Variants in CABCOCO1 observed in about 807,000 individuals in gnomAD.
CABCOCO1 encodes the protein ciliary associated calcium binding coiled-coil 1, also known as ciliary-associated calcium-binding coiled-coil protein 1.
CABCOCO1 carries 28 observed loss-of-function variants against 35.7 expected under a neutral mutation model. That is an observed-to-expected ratio of 0.78 (90% CI 0.58 to 1.07). The LOEUF is 1.07. CABCOCO1 is among the 50% of genes least tolerant of loss of function. The probability of loss-of-function intolerance (pLI) is 0.00; values close to 1 mark genes in which losing one functional copy is unlikely to be tolerated. For synonymous variants in CABCOCO1, 95 were observed against 100.1 expected, an observed-to-expected ratio of 0.95 and a Z score of 0.30; for missense variants, 326 against 309.2, an observed-to-expected ratio of 1.05 and a Z score of -0.41.
rs1839784464 is a variant in CABCOCO1, at chr10:61,681,310, A to C, written c.332A>C (p.Lys111Thr). 6.5e-7 allele frequency: 1 copy of C among 1,537,716 alleles called. No individual in the cohort carries two copies. The highest frequency in any genetic ancestry group is 1.8e-5 in the Admixed American group (1 of 54,184). ...CTAGCTATGTCACTTCAAAATCTTAAAAGTAAGTACACTATTTTCCTTTGA... is the reference window on the plus strand; with the variant it reads ...CTAGCTATGTCACTTCAAAATCTTACAAGTAAGTACACTATTTTCCTTTGA... ...TLLAMSLQNL[K>T]TLHMSLEESI... is the part of the protein sequence containing the mutation. Residue 111 changes from lysine to threonine, a missense_variant and splice_region_variant, in exon 3 of 8, where the codon AAA (lysine) becomes ACA (threonine). Physicochemically the swap from Lys to Thr is moderately conservative, Grantham distance 78 (BLOSUM62 -1). Coordinates refer to ENST00000648843, the MANE Select transcript of CABCOCO1 (RefSeq NM_001366906.2).
intron 3 of CABCOCO1, 134 bp downstream of exon 3, chr10:61,681,446 A>G: frequency 1.7e-6 from 1 of 602,584 alleles, no homozygotes; most frequent in Non-Finnish European, 2.7e-6. Flanking sequence ...TATAACAAAT[A>G]CATAGTTCCT....
At chr10:61,729,175 C>T (rs1841236937) in intron 5 of CABCOCO1, among the ~76,000 whole-genome samples, 1 of 152,008 alleles carries the variant, frequency 6.6e-6, no homozygotes, top group Non-Finnish European at 1.5e-5. Flanking sequence ...AGAACAATAC[C>T]TCATTAACAA....
Position 61,686,115 on chromosome 10 carries a change from CAA to C in CABCOCO1, c.412_413del (p.Lys138GlufsTer2). 1 of 1,607,106 alleles carries C rather than the reference CAA, an allele frequency of 6.2e-7. No individual in the cohort carries two copies. Among genetic ancestry groups the C allele is most frequent in the Non-Finnish European group, 8.5e-7 (1 of 1,177,910 alleles). On this transcript the variant is annotated frameshift_variant, in exon 4 of 8. Coordinates refer to ENST00000648843, the MANE Select transcript of CABCOCO1 (RefSeq NM_001366906.2). LOFTEE classifies it high-confidence loss of function. ...GGCTGAAATAGGACCAACACATTCG[CAA>C]AAGAGTGAGGACTGGAATATCTTTG... ...VMAEIGPTHS[Q>X]KSEDWNIFDV...
At chr10:61,691,112 T>C (rs1589124309) in intron 5 of CABCOCO1, among the ~76,000 whole-genome samples, 1 of 152,256 alleles carries the variant, frequency 6.6e-6, no homozygotes, top group East Asian at 1.9e-4. Context: ...AGACAAACTC[T>C]CTAATCAATC....
At chr10:61,755,179 C>G (rs1473617889) in intron 5 of CABCOCO1, among the ~76,000 whole-genome samples, 1 of 152,092 alleles carries the variant, frequency 6.6e-6, no homozygotes. Flanking sequence ...TTCCTCTTTT[C>G]ATTTAAAATT....
intron 5 of CABCOCO1, among the ~76,000 whole-genome samples, chr10:61,714,845 G>A (rs943401529): frequency 3.3e-5 from 5 of 152,166 alleles, no homozygotes; most frequent in African/African-American, 1.2e-4. Flanking sequence ...CTAATCCTAA[G>A]TTCTAATTTG....
At chr10:61,682,601 C>T (rs1839828348) in intron 3 of CABCOCO1, among the ~76,000 whole-genome samples, 1 of 152,088 alleles carries the variant, frequency 6.6e-6, no homozygotes, top group African/African-American at 2.4e-5. Flanking sequence ...AATTGGTTTT[C>T]CCCTCAATAG....
chr10:61,693,071 G>A (rs1305882795), intron 5 of CABCOCO1, among the ~76,000 whole-genome samples: 2 of 152,008 alleles, frequency 1.3e-5, no homozygotes, highest in Admixed American at 6.6e-5. Flanking sequence ...TGACATTTAT[G>A]CTATGGAAAG....
chr10:61,755,214 G>A lies in CABCOCO1; in HGVS notation c.553-4845G>A, dbSNP rs183530461. 3.3e-5 allele frequency among the ~76,000 whole-genome samples: 5 copies of A among 152,168 alleles called. No individual in the cohort carries two copies. In the East Asian group the frequency reaches 7.7e-4, roughly 23 times the overall value. ...TTATGGCCTCAGTATGACATTACTA[G>A]AGTTTATTGCATTTTGCAGGTGGCA... is the stretch of plus-strand genomic sequence containing the variant. On this transcript the variant is annotated intron_variant, in intron 5 of 7. Transcript: ENST00000648843.
At chr10:61,734,514 G>GT (rs1156811711) in intron 5 of CABCOCO1, among the ~76,000 whole-genome samples, 1 of 117,262 alleles carries the variant, frequency 8.5e-6, no homozygotes, top group Non-Finnish European at 2.1e-5. Flanking sequence ...AAGTAGGAAG[G>GT]GGGAAAAAAA....
intron 5 of CABCOCO1, among the ~76,000 whole-genome samples, chr10:61,740,145 G>C (rs1481125830): frequency 1.3e-5 from 2 of 152,170 alleles, no homozygotes; most frequent in Non-Finnish European, 2.9e-5. Context: ...AATACATTAA[G>C]TTTAATGTGA....
chr10:61,695,160 G>T (rs983878158), intron 5 of CABCOCO1, among the ~76,000 whole-genome samples: 3 of 151,396 alleles, frequency 2.0e-5, no homozygotes, highest in South Asian at 2.1e-4. Context: ...ATAAATTTTA[G>T]CAGATAAAAA....
At chr10:61,757,503 C>A (rs978425752) in intron 5 of CABCOCO1, among the ~76,000 whole-genome samples, 2 of 151,954 alleles carry the variant, frequency 1.3e-5, no homozygotes, top group Non-Finnish European at 2.9e-5. Context: ...GAAATTCTCA[C>A]CCCCCAGTTT....
intron 5 of CABCOCO1, among the ~76,000 whole-genome samples, chr10:61,737,362 T>C (rs2132062120): frequency 6.6e-6 from 1 of 152,232 alleles, no homozygotes; most frequent in South Asian, 2.1e-4. Flanking sequence ...GGAGTGTAAA[T>C]TAGTTCAATC....
Position 61,764,100 on chromosome 10 carries a change from A to G in CABCOCO1, c.817-1839A>G, listed in dbSNP as rs75790954. Among the ~76,000 whole-genome samples, 819 of 152,234 alleles carry G rather than the reference A, an allele frequency of 5.4e-3. 4 individuals carry two copies. The highest frequency in any genetic ancestry group is 0.017 in the African/African-American group (717 of 41,542). On this transcript the variant is annotated intron_variant, in intron 7 of 7. Transcript: ENST00000648843. ...CGGTAAAATACCAGAAAGGCCTCCA[A>G]GTGAATGTAAAATCCCTATGTGGTA...
At chr10:61,681,371 T>C in intron 3 of CABCOCO1, 59 bp downstream of exon 3, 1 of 1,297,180 alleles carries the variant, frequency 7.7e-7, no homozygotes, top group Non-Finnish European at 1.1e-6. Context: ...TAAATTGAGG[T>C]TCTTAAGCAA....
rs1285113562 is a variant in CABCOCO1, at chr10:61,750,528, A to T, written c.553-9531A>T. On this transcript the variant is annotated intron_variant, in intron 5 of 7. Coordinates refer to ENST00000648843, the MANE Select transcript of CABCOCO1 (RefSeq NM_001366906.2). ...GAGGCGGAGTTTGCAGTGAGCCGAG[A>T]TCGTGCCACTGGACTCCAGCCTGGG... Among the ~76,000 whole-genome samples, 5 of 152,190 alleles carry T rather than the reference A, an allele frequency of 3.3e-5. No individual in the cohort carries two copies. In the East Asian group the frequency reaches 7.7e-4, roughly 23 times the overall value.
intron 1 of CABCOCO1, among the ~76,000 whole-genome samples, chr10:61,669,217 G>GA (rs773524729): frequency 6.6e-6 from 1 of 151,620 alleles, no homozygotes; most frequent in South Asian, 2.1e-4. Flanking sequence ...ATTCTAGAAA[G>GA]AAAAAATATA....
At chr10:61,752,287 A>G (rs2132081896) in intron 5 of CABCOCO1, among the ~76,000 whole-genome samples, 1 of 152,230 alleles carries the variant, frequency 6.6e-6, no homozygotes, top group Middle Eastern at 3.4e-3. Flanking sequence ...CCTCCAAAGC[A>G]AGAAAATCCT....
Sources: allele counts gnomAD v4.1 joint callset (sites outside exome capture counted in the v4.1 genomes callset), GRCh38; gene constraint gnomAD v4.1.1; transcripts MANE v1.5; gene names NCBI Gene and HGNC (gene_info 2026-07-23, HGNC 2026-07-21).